Variants in KRT74 observed in about 807,000 individuals in gnomAD.
The protein encoded by KRT74 is keratin 74.
A neutral mutation model predicts 42.7 loss-of-function variants in KRT74; 43 were observed. That is an observed-to-expected ratio of 1.01 (90% CI 0.79 to 1.30). The LOEUF (loss-of-function observed/expected upper bound fraction) is 1.30, where lower values mean the gene tolerates loss of function less well. KRT74 is among the 50% of genes most tolerant of loss of function. The pLI, the probability that KRT74 is intolerant of heterozygous loss-of-function variation, is 0.00. For synonymous variants in KRT74, 302 were observed against 279.0 expected, an observed-to-expected ratio of 1.08 and a Z score of -0.82; for missense variants, 736 against 689.1, an observed-to-expected ratio of 1.07 and a Z score of -0.76.
intron 2 of KRT74, 30 bp downstream of exon 2, chr12:52,572,423 G>T: frequency 6.2e-7 from 1 of 1,611,042 alleles, no homozygotes; most frequent in Non-Finnish European, 8.5e-7. Flanking sequence ...GGGAAACATG[G>T]TCTGTGACCC....
chr12:52,569,399 C>T (rs943514906), intron 6 of KRT74: 5 of 493,714 alleles, frequency 1.0e-5, no homozygotes, highest in Non-Finnish European at 1.8e-5. Context: ...GTGTGGCCAA[C>T]AGAGGCGCCT....
chr12:52,572,072 G>A (rs1256892131), intron 2 of KRT74, 68 bp from the exon 3 acceptor site: 7 of 1,205,950 alleles, frequency 5.8e-6, no homozygotes, highest in Non-Finnish European at 8.6e-6. Context: ...TGCTGGCCAG[G>A]CAAATGTTTG....
Position 52,570,886 on chromosome 12 carries a change from C to T in KRT74, c.844-53G>A, listed in dbSNP as rs1939467894. 13 of 1,603,160 alleles carry T rather than the reference C, an allele frequency of 8.1e-6. No homozygotes were observed. The South Asian group carries it at 1.1e-4, about 14-fold the overall frequency. ...GCAACCCCCTGGCTTCCCTCTTCTG[C>T]CCCATCAGTCTTCTGGGCCCATGGT... is the stretch of plus-strand genomic sequence containing the variant. On this transcript the variant is annotated intron_variant, in intron 4 of 8. Transcript: ENST00000305620.
rs756930974 is a variant in KRT74 at position 52,567,021 on chromosome 12, G to C, written c.1538C>G (p.Thr513Ser). The change falls in exon 9 of 9, where the codon ACC becomes AGC. Residue 513 changes from threonine (T) to serine (S), a missense_variant. Physicochemically the swap from Thr to Ser is moderately conservative, Grantham distance 58. Coordinates refer to ENST00000305620, the MANE Select transcript of KRT74 (RefSeq NM_175053.4). ...TEARGGDLKD[T>S]QGKSTPASIP... The stretch of plus-strand genomic sequence containing the variant: ...GCTGGCTGGGGTGCTCTTGCCCTGG[G>C]TGTCCTTGAGGTCTCCCCCTCGCGC... 5.6e-6 allele frequency: 9 copies of C among 1,605,246 alleles called. No individual in the cohort carries two copies. The Admixed American group carries it at 1.0e-4, about 18-fold the overall frequency.
chr12:52,572,493 G>T lies in KRT74; in HGVS notation c.646C>A (p.Leu216Met), dbSNP rs766962540. 41 of 1,614,116 alleles carry T rather than the reference G, an allele frequency of 2.5e-5. No homozygotes were observed. Among genetic ancestry groups the T allele is most frequent in the Non-Finnish European group, 3.4e-5 (40 of 1,180,018 alleles). ...SGDRVRLDSE[L>M]RSMRDLVEDY... Reference sequence around the variant, plus strand: ...TCCACCAGATCCCTCATGCTTCTCAGCTCCGAGTCCAGCCTCACCCTGTCC... The same window carrying T: ...TCCACCAGATCCCTCATGCTTCTCATCTCCGAGTCCAGCCTCACCCTGTCC... The change falls in exon 2 of 9, where the codon CTG becomes ATG. Residue 216 changes from leucine (L) to methionine (M), a missense_variant. Leu to Met is a conservative substitution (Grantham distance 15). Coordinates refer to ENST00000305620, the MANE Select transcript of KRT74 (RefSeq NM_175053.4).
chr12:52,572,485 G>A lies in KRT74; in HGVS notation c.654C>T (p.Ser218=), dbSNP rs773882946. The change falls in exon 2 of 9, where the codon AGC becomes AGT. Residue 218 remains serine, a synonymous_variant. Coordinates refer to ENST00000305620, the MANE Select transcript of KRT74 (RefSeq NM_175053.4). Reference sequence around the variant, plus strand: ...TATAGTCCTCCACCAGATCCCTCATGCTTCTCAGCTCCGAGTCCAGCCTCA... The same window carrying A: ...TATAGTCCTCCACCAGATCCCTCATACTTCTCAGCTCCGAGTCCAGCCTCA... ...DRVRLDSELR[S]MRDLVEDYKK... 2 of 1,614,106 alleles carry A rather than the reference G, an allele frequency of 1.2e-6. No individual in the cohort carries two copies. Among genetic ancestry groups the A allele is most frequent in the Non-Finnish European group, 1.7e-6 (2 of 1,180,010 alleles).
chr12:52,572,067 G>A lies in KRT74; in HGVS notation c.687-63C>T, dbSNP rs1489819480. 4 of 1,251,240 alleles carry A rather than the reference G, an allele frequency of 3.2e-6. No individual in the cohort carries two copies. In the African/African-American group the frequency reaches 6.0e-5, roughly 19 times the overall value. 77.5% of individuals were successfully genotyped at this position (1,251,240 alleles called of 1,614,324 possible). On this transcript the variant is annotated intron_variant, in intron 2 of 8. Coordinates refer to ENST00000305620, the MANE Select transcript of KRT74 (RefSeq NM_175053.4). ...GCCAAGGAACTTTCTCTTCCTGCTG[G>A]CCAGGCAAATGTTTGGGATACAGGG...
rs1939509272 is a variant in KRT74, at chr12:52,572,703, T to A, written c.472-36A>T. 3 of 1,588,602 alleles carry A rather than the reference T, an allele frequency of 1.9e-6. No individual in the cohort carries two copies. In the South Asian group the frequency reaches 3.3e-5, roughly 18 times the overall value. The stretch of plus-strand genomic sequence containing the variant: ...AATCAACAGACACCTGGAACCACAA[T>A]GGGTGCAGTCATGCCCCCTGGACAC... On this transcript the variant is annotated intron_variant, in intron 1 of 8. Transcript: ENST00000305620.
In KRT74 at chr12:52,572,675, C is replaced by G. The variant is rs1451540836; in HGVS notation, c.472-8G>C. 1 of 1,613,578 alleles carries G rather than the reference C, an allele frequency of 6.2e-7. No individual in the cohort carries two copies. Among genetic ancestry groups the G allele is most frequent in the South Asian group, 1.1e-5 (1 of 91,060 alleles). On this transcript the variant is annotated splice_region_variant and splice_polypyrimidine_tract_variant and intron_variant, in intron 1 of 8. Transcript: ENST00000305620. ...CTGCTCTAGGAAGCGTACCTGGAAC[C>G]CAAATCAACAGACACCTGGAACCAC...
rs1274541653 is a variant in KRT74, at chr12:52,569,882, C to T, written c.1111G>A (p.Glu371Lys). 1.2e-6 allele frequency: 2 copies of T among 1,614,082 alleles called. No homozygotes were observed. Among genetic ancestry groups the T allele is most frequent in the African/African-American group, 2.7e-5 (2 of 74,932 alleles). The part of the protein sequence containing the change: ...LNRLIQRIRC[E>K]IGNVKKQRAS... ...ACCTGCTTCTTCACATTCCCGATCT[C>T]ACACCGGATCCTCTGGATGAGCCGG... The change falls in exon 6 of 9, where the codon GAG (glutamate) becomes AAG (lysine). Residue 371 changes from glutamate (E) to lysine (K), a missense_variant. Transcript: ENST00000305620.
chr12:52,570,164 T>A (rs935961115), intron 5 of KRT74, among the ~76,000 whole-genome samples, 180 bp from the exon 6 acceptor site: 3 of 151,712 alleles, frequency 2.0e-5, no homozygotes, highest in African/African-American at 7.3e-5. Context: ...CCAAACATAG[T>A]TCCATTACTC....
intron 7 of KRT74, 138 bp from the exon 8 acceptor site, chr12:52,567,831 T>G: frequency 1.3e-6 from 1 of 742,052 alleles, no homozygotes; most frequent in Non-Finnish European, 2.4e-6. Flanking sequence ...ATCGCCTTCA[T>G]CTTACAGATG....
rs1939518947 is a variant in KRT74 at position 52,573,219 on chromosome 12, C to G, written c.471+88G>C. The G allele has an allele frequency of 3.8e-6, 5 of 1,332,390 alleles. No individual in the cohort carries two copies. The South Asian group carries it at 4.7e-5, about 13-fold the overall frequency. The allele number at this position is 1,332,390 out of a possible 1,614,324, so 82.5% of individuals were successfully genotyped here. A position where few individuals can be genotyped will look rare whatever the true frequency, so the allele number is the denominator to read the frequency against. ...CTTCCTGAGGCCCAGCTGCACCTTT[C>G]CAGCCACAGTGTGCAGTCCATTCCC... On this transcript the variant is annotated intron_variant, in intron 1 of 8. Coordinates refer to ENST00000305620, the MANE Select transcript of KRT74 (RefSeq NM_175053.4).
intron 6 of KRT74, chr12:52,569,545 A>G (rs1419383013): frequency 1.7e-6 from 1 of 598,160 alleles, no homozygotes; most frequent in East Asian, 2.8e-5. Flanking sequence ...CAGAAGGGGA[A>G]CCTGGGTTCT....
At chr12:52,573,254 G>A in intron 1 of KRT74, 53 bp downstream of exon 1, 5 of 1,561,440 alleles carry the variant, frequency 3.2e-6, no homozygotes, top group East Asian at 2.2e-5. Context: ...CAGGCAGCAG[G>A]AAAACTGCTC....
chr12:52,568,138 C>T, intron 7 of KRT74, 31 bp downstream of exon 7: 1 of 1,613,416 alleles, frequency 6.2e-7, no homozygotes, highest in Non-Finnish European at 8.5e-7. Context: ...ACCCCAGTCC[C>T]TTCTCACACT....
intron 6 of KRT74, among the ~76,000 whole-genome samples, chr12:52,568,977 G>A (rs1171293303): frequency 4.6e-5 from 7 of 152,222 alleles, no homozygotes; most frequent in Non-Finnish European, 5.9e-5. Context: ...GGGGCATTGC[G>A]ATGCCTGTTG....
At chr12:52,567,740 TCCACTAAACATCAATGGGCTC>T (rs781367333) in intron 7 of KRT74, 47 bp from the exon 8 acceptor site, 2 of 1,415,684 alleles carry the variant, frequency 1.4e-6, no homozygotes, top group East Asian at 4.6e-5. Flanking sequence ...GTGTCGAGAT[TCCACTAAACATCAATGGGCTC>T]CTGCTTTTAT....
chr12:52,568,196 C>A lies in KRT74; in HGVS notation c.1328G>T (p.Arg443Leu). The change falls in exon 7 of 9, where the codon CGC (arginine) becomes CTC (leucine). Residue 443 changes from arginine to leucine, a missense_variant. Transcript: ENST00000305620. ...LALDMEIATYRKLLEGEECRM... is the reference protein window; with the variant it reads ...LALDMEIATYLKLLEGEECRM... ...GCACTCCTCGCCCTCCAGCAGCTTG[C>A]GGTAGGTGGCAATCTCCATGTCCAG... 5 of 1,614,160 alleles carry A rather than the reference C, an allele frequency of 3.1e-6. No homozygotes were observed. The highest frequency in any genetic ancestry group is 4.2e-6 in the Non-Finnish European group (5 of 1,180,028).
Sources: allele counts gnomAD v4.1 joint callset (sites outside exome capture counted in the v4.1 genomes callset), GRCh38; gene constraint gnomAD v4.1.1; transcripts MANE v1.5; gene names NCBI Gene and HGNC (gene_info 2026-07-23, HGNC 2026-07-21).